The following MTAP variants were observed in gnomAD, a reference collection of about 807,000 sequenced individuals.
The protein encoded by MTAP is methylthioadenosine phosphorylase, also known as S-methyl-5'-thioadenosine phosphorylase.
In MTAP, 33 loss-of-function variants were observed where a neutral mutation model predicts 33.6. The observed-to-expected ratio is 0.98, with a 90% CI of 0.74 to 1.31. The LOEUF (loss-of-function observed/expected upper bound fraction) is 1.31. Among genes scored for constraint, MTAP ranks in the 40% most tolerant of loss-of-function variants. The pLI is 0.00. For missense variants in MTAP, 367 were observed against 360.0 expected (o/e 1.02, Z -0.16); for synonymous variants, 148 against 125.7 (o/e 1.18, Z -1.19).
intron 1 of MTAP, among the ~76,000 whole-genome samples, chr9:21,900,821 C>G (rs1012372873): frequency 5.3e-5 from 8 of 152,138 alleles, no homozygotes; most frequent in Middle Eastern, 3.2e-3. Flanking sequence ...ATACATCACG[C>G]AATACTATGC....
chr9:21,909,451 G>C (rs764538022), intron 1 of MTAP, among the ~76,000 whole-genome samples: 1 of 152,108 alleles, frequency 6.6e-6, no homozygotes, highest in Non-Finnish European at 1.5e-5. Context: ...TGGTTTTGCT[G>C]TTCAGTATAG....
intron 5 of MTAP, among the ~76,000 whole-genome samples, chr9:21,851,461 T>G (rs376560204): frequency 6.7e-4 from 102 of 152,374 alleles, no homozygotes; most frequent in African/African-American, 2.3e-3. Context: ...ATTTAAGTAT[T>G]GCTAACTTTA....
intron 1 of MTAP, chr9:21,929,577 CA>C: frequency 5.4e-6 from 2 of 367,568 alleles, no homozygotes. Flanking sequence ...CTTACTCCAC[CA>C]AATGCTGGTT....
intron 4 of MTAP, among the ~76,000 whole-genome samples, chr9:21,833,773 C>T (rs1291489696): frequency 3.9e-5 from 6 of 152,144 alleles, no homozygotes; most frequent in Non-Finnish European, 1.5e-5. Context: ...TGGGTGTTTG[C>T]CCTCAGCTTG....
rs1825787978 is a variant in MTAP at position 21,863,224 on chromosome 9, TA to T, written c.*1213del. ...ATGTTTGATTCTCCTTTTTATGAGTTAAATTATTTTATACGAGTTGGTAATT... is the reference window on the plus strand; with the variant it reads ...ATGTTTGATTCTCCTTTTTATGAGTTAATTATTTTATACGAGTTGGTAATT... On this transcript the variant is annotated 3_prime_UTR_variant, in exon 8 of 8. Transcript: ENST00000644715. The T allele has an allele frequency of 1.0e-6, 1 of 970,078 alleles. No homozygotes were observed. The highest frequency in any genetic ancestry group is 1.8e-5 in the African/African-American group (1 of 56,862). 60.1% of individuals were successfully genotyped at this position (970,078 alleles called of 1,614,324 possible).
At chr9:21,816,076 T>C (rs1824466760) in intron 2 of MTAP, among the ~76,000 whole-genome samples, 1 of 152,082 alleles carries the variant, frequency 6.6e-6, no homozygotes, top group Non-Finnish European at 1.5e-5. Flanking sequence ...GGGGTGAGGG[T>C]GTCTGCATTC....
At chr9:21,927,173 G>A (rs1186687871) in intron 1 of MTAP, among the ~76,000 whole-genome samples, 2 of 152,184 alleles carry the variant, frequency 1.3e-5, no homozygotes, top group African/African-American at 4.8e-5. Flanking sequence ...AAAGTAAGCT[G>A]TAGCCCTGGA....
chr9:21,816,569 ATATTG>A (rs1824480758), intron 2 of MTAP, 140 bp from the exon 3 acceptor site: 1 of 665,054 alleles, frequency 1.5e-6, no homozygotes, highest in East Asian at 2.8e-5. Flanking sequence ...TTAAATGATT[ATATTG>A]ATAATCAGAT....
intron 1 of MTAP, 155 bp downstream of exon 1, chr9:21,802,936 C>A: frequency 7.1e-7 from 1 of 1,416,238 alleles, no homozygotes; most frequent in Non-Finnish European, 9.1e-7. Context: ...GACTCACTTG[C>A]CGCGCGAGGA....
At chr9:21,931,857 A>T (rs141650815), downstream of MTAP, 1 of 152,126 alleles carries the variant, frequency 6.6e-6, no homozygotes, top group African/African-American at 2.4e-5. Context: ...ACTCTGCCTT[A>T]TGCCCCTTGG....
chr9:21,907,415 G>A (rs893735222), intron 1 of MTAP, among the ~76,000 whole-genome samples: 2 of 152,142 alleles, frequency 1.3e-5, no homozygotes, highest in African/African-American at 4.8e-5. Context: ...AAAATTAGCT[G>A]GGCATGATGG....
chr9:21,818,021 C>T lies in MTAP; in HGVS notation c.180-14C>T, dbSNP rs374864173. 7 of 1,600,384 alleles carry T rather than the reference C, an allele frequency of 4.4e-6. No individual in the cohort carries two copies. In the African/African-American group the frequency reaches 6.8e-5, roughly 15 times the overall value. On this transcript the variant is annotated splice_polypyrimidine_tract_variant and intron_variant, in intron 3 of 7. Transcript: ENST00000644715. ...ACTCATCACGGGTTAACAATTTCTT[C>T]TCTCCTTCCATAGGCATGGAAGGCA...
At chr9:21,844,154 A>G (rs1380444057) in intron 5 of MTAP, among the ~76,000 whole-genome samples, 2 of 152,200 alleles carry the variant, frequency 1.3e-5, no homozygotes, top group Non-Finnish European at 2.9e-5. Flanking sequence ...TCTTGGAAAT[A>G]TACCACCCTC....
chr9:21,933,247 A>G (rs1318831432), downstream of MTAP: 3 of 152,218 alleles, frequency 2.0e-5, no homozygotes, highest in Non-Finnish European at 4.4e-5. Context: ...AGTTGCCAAA[A>G]TATGCTATCT....
In MTAP at chr9:21,863,860, A is replaced by T; in HGVS notation, c.*1846A>T. On this transcript the variant is annotated 3_prime_UTR_variant, in exon 8 of 8. Coordinates refer to ENST00000644715, the MANE Select transcript of MTAP (RefSeq NM_002451.4). ...AACAAAACAGTTACCCTCCAGTATTAATATGACTCATTAGTGTGAGCCATT... is the reference window on the plus strand; with the variant it reads ...AACAAAACAGTTACCCTCCAGTATTTATATGACTCATTAGTGTGAGCCATT... 1 of 985,842 alleles carries T rather than the reference A, an allele frequency of 1.0e-6. No homozygotes were observed. Among genetic ancestry groups the T allele is most frequent in the Non-Finnish European group, 1.2e-6 (1 of 829,916 alleles). The allele number at this position is 985,842 out of a possible 1,614,324, so 61.1% of individuals were successfully genotyped here. A position where few individuals can be genotyped will look rare whatever the true frequency, so the allele number is the denominator to read the frequency against.
Position 21,830,071 on chromosome 9 carries a change from T to A in MTAP, c.348-7837T>A, listed in dbSNP as rs540631785. On this transcript the variant is annotated intron_variant, in intron 4 of 7. Coordinates refer to ENST00000644715, the MANE Select transcript of MTAP (RefSeq NM_002451.4). ...TTCAAGTATGTTTGGGTATGTGCAG[T>A]CAGTCTTTGTGTCTTTCTCATTCAA... Among the ~76,000 whole-genome samples the A allele has an allele frequency of 5.9e-5, 9 of 152,324 alleles. No individual in the cohort carries two copies. In the East Asian group the frequency reaches 1.7e-3, roughly 29 times the overall value.
intron 4 of MTAP, among the ~76,000 whole-genome samples, chr9:21,824,473 A>T (rs1166455514): frequency 6.6e-6 from 1 of 152,190 alleles, no homozygotes; most frequent in Non-Finnish European, 1.5e-5. Context: ...GCTTCGTCTC[A>T]GAGGGGTACC....
intron 5 of MTAP, among the ~76,000 whole-genome samples, chr9:21,839,365 G>T (rs1825188542): frequency 6.6e-6 from 1 of 152,032 alleles, no homozygotes; most frequent in Admixed American, 6.6e-5. Flanking sequence ...TTCAAAATGG[G>T]GGCAGCTTGG....
intron 1 of MTAP, among the ~76,000 whole-genome samples, chr9:21,894,316 T>C (rs1467672497): frequency 6.6e-6 from 1 of 151,660 alleles, no homozygotes; most frequent in Non-Finnish European, 1.5e-5. Context: ...AGGCAAAAGC[T>C]GGAAGCATTC....
Sources: gnomAD v4.1 joint callset for allele counts (sites outside exome capture counted in the v4.1 genomes callset) on GRCh38, gnomAD v4.1.1 for gene constraint, MANE v1.5 for transcripts, NCBI Gene and HGNC (gene_info 2026-07-23, HGNC 2026-07-21) for gene names.